NUP214: variants seen among roughly 807,000 people sequenced by gnomAD.
The protein encoded by NUP214 is nuclear pore complex protein Nup214.
NUP214 carries 79 observed loss-of-function variants against 196.2 expected under a neutral mutation model. The ratio of observed to expected loss-of-function variants is 0.40; its 90% confidence interval spans 0.34 to 0.49. The LOEUF is 0.49. Among genes scored for constraint, NUP214 ranks in the 20% least tolerant of loss-of-function variants. The pLI is 0.58. For missense variants in NUP214, 2,468 were observed against 2,539.0 expected, an observed-to-expected ratio of 0.97 and a Z score of 0.60; for synonymous variants, 1,020 against 990.5, an observed-to-expected ratio of 1.03 and a Z score of -0.56.
At chr9:131,212,806 A>G (rs1834282652) in intron 30 of NUP214, among the ~76,000 whole-genome samples, 1 of 152,196 alleles carries the variant, frequency 6.6e-6, no homozygotes. Context: ...TTTATACAGG[A>G]AAATTAGTGG....
At chr9:131,210,059 C>G (rs372970602) in intron 30 of NUP214, among the ~76,000 whole-genome samples, 2 of 152,214 alleles carry the variant, frequency 1.3e-5, no homozygotes, top group Non-Finnish European at 2.9e-5. Context: ...ATTATTTCCT[C>G]ACTTTAATCA....
intron 7 of NUP214, 122 bp downstream of exon 7, chr9:131,133,331 A>G (rs1189779258): frequency 8.8e-6 from 5 of 571,018 alleles, no homozygotes; most frequent in Non-Finnish European, 1.2e-5. Flanking sequence ...TTGAGACAAG[A>G]TCTCACTCTG....
intron 31 of NUP214, 80 bp from the exon 32 acceptor site, chr9:131,222,698 C>T (rs1834596518): frequency 2.0e-6 from 3 of 1,503,776 alleles, no homozygotes; most frequent in Middle Eastern, 1.8e-4. Context: ...AAACACCCAA[C>T]TGAGACTTTT....
At chr9:131,190,830 G>A (rs1042687645) in intron 26 of NUP214, 4 of 162,594 alleles carry the variant, frequency 2.5e-5, no homozygotes, top group African/African-American at 9.6e-5. Flanking sequence ...TATTGATTTT[G>A]TAACTTATTT....
In NUP214 at chr9:131,146,310, AT is replaced by A. The variant is rs2133498950; in HGVS notation, c.1945+10del. On this transcript the variant is annotated splice_region_variant and intron_variant, in intron 13 of 35. Transcript: ENST00000359428. This position sits in a 1 kb window ranked among gnomAD's most constrained non-coding sequence, Gnocchi z 4.6. ...AGTCTTGCCCTCACCATCAGGTATG[AT>A]TTTAAGCAGACAACTTTAGACCTCA... 6.2e-7 allele frequency: 1 copy of A among 1,613,476 alleles called. No homozygotes were observed. The highest frequency in any genetic ancestry group is 2.2e-5 in the East Asian group (1 of 44,872).
At chr9:131,159,074 CTT>C (rs1048318130) in intron 17 of NUP214, 1 of 222,566 alleles carries the variant, frequency 4.5e-6, no homozygotes, top group Non-Finnish European at 8.7e-6. Context: ...TTTTATGTAA[CTT>C]TTTTATTTGT....
At chr9:131,157,946 C>T (rs929648513) in intron 17 of NUP214, among the ~76,000 whole-genome samples, 4 of 151,944 alleles carry the variant, frequency 2.6e-5, no homozygotes, top group East Asian at 1.9e-4. Context: ...GCACCCAGCT[C>T]TAATTTTTGT....
intron 5 of NUP214, among the ~76,000 whole-genome samples, 160 bp downstream of exon 5, chr9:131,130,996 G>A (rs1831528304): frequency 6.6e-6 from 1 of 152,148 alleles, no homozygotes; most frequent in Admixed American, 6.5e-5. Context: ...CTTTCCCATA[G>A]TCCTTCTTCC....
Position 131,198,781 on chromosome 9 carries a change from A to G in NUP214, c.5287A>G (p.Thr1763Ala), listed in dbSNP as rs777615629. The change falls in exon 29 of 36, where the codon ACT (threonine) becomes GCT (alanine). Residue 1763 changes from threonine to alanine, a missense_variant. Physicochemically the swap from Thr to Ala is moderately conservative, Grantham distance 58. This residue lies in a region of NUP214 where 1,801 missense variants were observed against 1,779.4 expected (regional missense o/e 1.01). Transcript: ENST00000359428. ...TGCCTTCGGTCAGCCTGCTTCCTCCACTCCCACATCCACCAGTGGAAGTGT... is the reference window on the plus strand; with the variant it reads ...TGCCTTCGGTCAGCCTGCTTCCTCCGCTCCCACATCCACCAGTGGAAGTGT... ...VPAFGQPASSTPTSTSGSVFG... is the reference protein window; with the variant it reads ...VPAFGQPASSAPTSTSGSVFG... The G allele has an allele frequency of 1.2e-6, 2 of 1,613,624 alleles. No individual in the cohort carries two copies. The highest frequency in any genetic ancestry group is 2.2e-5 in the East Asian group (1 of 44,882).
intron 33 of NUP214, 80 bp downstream of exon 33, chr9:131,228,411 G>A: frequency 7.0e-7 from 1 of 1,421,150 alleles, no homozygotes; most frequent in Non-Finnish European, 9.4e-7. Context: ...GCTCTGAAAA[G>A]AAATTTGACC....
intron 17 of NUP214, among the ~76,000 whole-genome samples, chr9:131,154,092 C>T (rs1397210779): frequency 6.6e-6 from 1 of 152,204 alleles, no homozygotes; most frequent in East Asian, 1.9e-4. Context: ...AAGGAAAGAG[C>T]CTCGGTGAGT....
At position 131,197,866 on chromosome 9, in the gene NUP214, A is replaced by C; in HGVS notation, c.4372A>C (p.Thr1458Pro). 1 of 1,613,336 alleles carries C rather than the reference A, an allele frequency of 6.2e-7. No homozygotes were observed. Among genetic ancestry groups the C allele is most frequent in the Non-Finnish European group, 8.5e-7 (1 of 1,179,930 alleles). The change falls in exon 29 of 36, where the codon ACT (threonine) becomes CCT (proline). Residue 1458 changes from threonine to proline, a missense_variant. This residue lies in a region of NUP214 where 1,801 missense variants were observed against 1,779.4 expected (regional missense o/e 1.01). Transcript: ENST00000359428. ...STVPPSAPPP[T>P]TAATPLPTSF... ...AGTGCCCCCATCTGCCCCACCACCA[A>C]CTACAGCTGCCACTCCCCTTCCAAC... is the stretch of plus-strand genomic sequence containing the variant.
intron 17 of NUP214, among the ~76,000 whole-genome samples, chr9:131,156,354 G>A (rs928983559): frequency 6.6e-6 from 1 of 151,632 alleles, no homozygotes; most frequent in African/African-American, 2.4e-5. Flanking sequence ...GGATGGTCTC[G>A]ATCTCCTGAC....
At chr9:131,134,672 G>T (rs1192318843) in intron 7 of NUP214, among the ~76,000 whole-genome samples, 1 of 152,124 alleles carries the variant, frequency 6.6e-6, no homozygotes, top group Non-Finnish European at 1.5e-5. Flanking sequence ...AAATCTGCAT[G>T]TCTCGTGGGC....
At chr9:131,132,771 G>T (rs1194854230) in intron 6 of NUP214, 112 bp downstream of exon 6, 4 of 918,772 alleles carry the variant, frequency 4.4e-6, no homozygotes, top group Non-Finnish European at 6.9e-6. Context: ...TTTGCTTTAT[G>T]AATAATGTCA....
At chr9:131,151,708 T>G in intron 16 of NUP214, 28 bp from the exon 17 acceptor site, 3 of 1,579,946 alleles carry the variant, frequency 1.9e-6, no homozygotes, top group Non-Finnish European at 1.7e-6. Context: ...CAACTTTTTG[T>G]ACCAACACAT....
intron 34 of NUP214, among the ~76,000 whole-genome samples, chr9:131,231,989 G>A (rs1834892318): frequency 6.6e-6 from 1 of 150,910 alleles, no homozygotes; most frequent in African/African-American, 2.4e-5. Context: ...GGCCAAGCCA[G>A]AGACCCTCTG....
In NUP214 at chr9:131,233,560, C is replaced by A; in HGVS notation, c.*73C>A. 1 of 1,570,846 alleles carries A rather than the reference C, an allele frequency of 6.4e-7. No individual in the cohort carries two copies. The highest frequency in any genetic ancestry group is 8.7e-7 in the Non-Finnish European group (1 of 1,144,648). ...GCTTCTTCCCCGAGAAATGCTGGAG[C>A]AGGCTGTTCAGACCGACGTTGCCAT... On this transcript the variant is annotated 3_prime_UTR_variant, in exon 36 of 36. Coordinates refer to ENST00000359428, the MANE Select transcript of NUP214 (RefSeq NM_005085.4).
intron 1 of NUP214, 72 bp from the exon 2 acceptor site, chr9:131,127,452 G>A (rs1831397202): frequency 8.4e-7 from 1 of 1,187,746 alleles, no homozygotes. Context: ...TACTGAAATT[G>A]GGTCTACTGA....
Sources: allele counts gnomAD v4.1 joint callset (sites outside exome capture counted in the v4.1 genomes callset), GRCh38; gene constraint gnomAD v4.1.1; regional missense constraint gnomAD v4.1.1; non-coding constraint Gnocchi (gnomAD v3.1); transcripts MANE v1.5; gene names NCBI Gene and HGNC (gene_info 2026-07-23, HGNC 2026-07-21).